Variants in PCNP observed in about 807,000 individuals in gnomAD.
The protein encoded by PCNP is PEST proteolytic signal-containing nuclear protein.
Under a neutral mutation model 21.8 loss-of-function variants are expected in PCNP, and 6 were observed. The observed-to-expected ratio is 0.28, with a 90% confidence interval of 0.15 to 0.54. The LOEUF (loss-of-function observed/expected upper bound fraction) is 0.54, where lower values mean the gene tolerates loss of function less well. Among genes scored for constraint, PCNP ranks in the 20% least tolerant of loss-of-function variants. The pLI, the probability that PCNP is intolerant of heterozygous loss-of-function variation, is 0.95. For synonymous variants in PCNP, 67 were observed against 73.2 expected (o/e 0.92, Z 0.43); for missense variants, 161 against 215.5 (o/e 0.75, Z 1.58).
chr3:101,590,807 C>T (rs896766573), intron 4 of PCNP, among the ~76,000 whole-genome samples: 13 of 152,010 alleles, frequency 8.6e-5, no homozygotes, highest in Non-Finnish European at 1.8e-4. Flanking sequence ...CCTCAGCCTC[C>T]CAAAGTGCTG....
upstream of PCNP, chr3:101,574,118 A>G (rs1934720014): frequency 1.3e-6 from 2 of 1,498,112 alleles, no homozygotes; most frequent in Non-Finnish European, 9.0e-7. Context: ...GGACCGCTCT[A>G]GGCTGCCACC....
rs761938485 is a variant in PCNP, at chr3:101,590,167, G to A, written c.355-48G>A. The A allele has an allele frequency of 9.2e-6, 9 of 977,544 alleles. No individual in the cohort carries two copies. In the Admixed American group the frequency reaches 1.3e-4, roughly 14 times the overall value. The allele number at this position is 977,544 out of a possible 1,614,324, so 60.6% of individuals were successfully genotyped here. A position where few individuals can be genotyped will look rare whatever the true frequency, so the allele number is the denominator to read the frequency against. On this transcript the variant is annotated intron_variant, in intron 3 of 4. Transcript: ENST00000265260. ...TTTAGCGTATTAGTAATCAGGAATT[G>A]AATAAGTTTGTATGCAGTTATCTTG...
intron 3 of PCNP, among the ~76,000 whole-genome samples, chr3:101,586,571 T>TGTGTGTGTGTGAGAGAGAGA: frequency 3.5e-5 from 4 of 114,140 alleles, no homozygotes; most frequent in African/African-American, 1.2e-4. Flanking sequence ...TGTGTGTGTG[T>TGTGTGTGTGTGAGAGAGAGA]GAGAGAGAGA....
intron 4 of PCNP, among the ~76,000 whole-genome samples, chr3:101,592,322 G>A (rs537252263): frequency 4.0e-5 from 6 of 151,824 alleles, no homozygotes; most frequent in Non-Finnish European, 4.4e-5. Context: ...TACAGGCATG[G>A]ACCACCATGC....
In PCNP at chr3:101,593,976, A is replaced by G. The variant is rs1032995285; in HGVS notation, c.*1223A>G. 1.3e-5 allele frequency: 2 copies of G among 152,630 alleles called. No individual in the cohort carries two copies. The highest frequency in any genetic ancestry group is 4.8e-5 in the African/African-American group (2 of 41,448). 9.5% of individuals were successfully genotyped at this position (152,630 alleles called of 1,614,324 possible). On this transcript the variant is annotated 3_prime_UTR_variant, in exon 5 of 5. Coordinates refer to ENST00000265260, the MANE Select transcript of PCNP (RefSeq NM_020357.3). ...TTTTTTAAATGTGACAGTTAAACACATCTTTAAAAGCATAGTCACAGACAA... is the reference window on the plus strand; with the variant it reads ...TTTTTTAAATGTGACAGTTAAACACGTCTTTAAAAGCATAGTCACAGACAA...
chr3:101,579,066 A>G (rs1935088547), intron 1 of PCNP, among the ~76,000 whole-genome samples: 1 of 152,108 alleles, frequency 6.6e-6, no homozygotes, highest in Non-Finnish European at 1.5e-5. Context: ...TATGCCTTCT[A>G]CTGTTTGAAA....
At chr3:101,589,990 G>GT (rs1935723734) in intron 3 of PCNP, 1 of 486,206 alleles carries the variant, frequency 2.1e-6, no homozygotes, top group African/African-American at 2.0e-5. Flanking sequence ...TAGAATGTTT[G>GT]TTTTTTCAGC....
rs572995416 is a variant in PCNP, at chr3:101,593,032, T to C, written c.*279T>C. The stretch of plus-strand genomic sequence containing the variant: ...ATCAGAAATGGTACCTTTTTAAGAA[T>C]TGCATATTTTTTTAGACACAACTAT... On this transcript the variant is annotated 3_prime_UTR_variant, in exon 5 of 5. Coordinates refer to ENST00000265260, the MANE Select transcript of PCNP (RefSeq NM_020357.3). The C allele has an allele frequency of 4.4e-5, 9 of 206,190 alleles. 1 individual carries two copies. Among genetic ancestry groups the C allele is most frequent in the Admixed American group, 2.9e-4 (5 of 17,056 alleles). The allele number at this position is 206,190 out of a possible 1,614,324, so 12.8% of individuals were successfully genotyped here. A position where few individuals can be genotyped will look rare whatever the true frequency, so the allele number is the denominator to read the frequency against.
intron 1 of PCNP, 180 bp from the exon 2 acceptor site, chr3:101,579,610 T>C (rs1935119299): frequency 1.4e-6 from 1 of 713,890 alleles, no homozygotes; most frequent in Admixed American, 2.0e-5. Flanking sequence ...GAGCCTCTTC[T>C]ACTGCCACAC....
intron 4 of PCNP, among the ~76,000 whole-genome samples, chr3:101,592,147 G>A (rs558072037): frequency 2.0e-3 from 295 of 150,822 alleles, no homozygotes; most frequent in African/African-American, 6.9e-3. Flanking sequence ...TTTGTTTTTT[G>A]TTTTTTTGTG....
At chr3:101,580,765 A>G (rs1446395452) in intron 2 of PCNP, among the ~76,000 whole-genome samples, 2 of 152,246 alleles carry the variant, frequency 1.3e-5, no homozygotes, top group Non-Finnish European at 2.9e-5. Context: ...TTTGAAGCAT[A>G]TGAAGTTGTA....
In PCNP at chr3:101,590,204, T is replaced by G. The variant is rs961034560; in HGVS notation, c.355-11T>G. On this transcript the variant is annotated splice_polypyrimidine_tract_variant and intron_variant, in intron 3 of 4. Transcript: ENST00000265260. Reference sequence around the variant, plus strand: ...ATGCAGTTATCTTGGTTTACTTACTTTTTTCTTTAGAGTGAACCAGAGGAA... The same window carrying G: ...ATGCAGTTATCTTGGTTTACTTACTGTTTTCTTTAGAGTGAACCAGAGGAA... 1.3e-6 allele frequency: 2 copies of G among 1,506,062 alleles called. No individual in the cohort carries two copies. Among genetic ancestry groups the G allele is most frequent in the South Asian group, 1.1e-5 (1 of 87,904 alleles). 93.3% of individuals were successfully genotyped at this position (1,506,062 alleles called of 1,614,324 possible).
intron 4 of PCNP, among the ~76,000 whole-genome samples, chr3:101,592,023 A>G (rs1935836561): frequency 1.3e-5 from 2 of 152,006 alleles, no homozygotes; most frequent in Non-Finnish European, 2.9e-5. Flanking sequence ...TGGTTGCCAC[A>G]CTTAGCTGTA....
chr3:101,591,272 C>T (rs1033073054), intron 4 of PCNP, among the ~76,000 whole-genome samples: 2 of 152,182 alleles, frequency 1.3e-5, no homozygotes, highest in South Asian at 4.1e-4. Context: ...TAATGGATAG[C>T]TTAGAGATCA....
chr3:101,581,689 C>T (rs776576513), intron 2 of PCNP, among the ~76,000 whole-genome samples: 3 of 152,078 alleles, frequency 2.0e-5, no homozygotes, highest in Admixed American at 6.6e-5. Context: ...CCACCTCAGC[C>T]TCCCAGAGTG....
intron 1 of PCNP, chr3:101,576,811 C>T (rs576006054): frequency 6.2e-7 from 1 of 1,610,320 alleles, no homozygotes; most frequent in Non-Finnish European, 8.5e-7. Flanking sequence ...GTCTGCTTTC[C>T]TCAACACCAC....
chr3:101,574,325 C>T (rs1478721040), intron 1 of PCNP, 46 bp downstream of exon 1: 23 of 1,416,186 alleles, frequency 1.6e-5, no homozygotes, highest in Non-Finnish European at 2.0e-5. Flanking sequence ...TGCTCCGGGC[C>T]TTTCTTTGAG....
intron 3 of PCNP, among the ~76,000 whole-genome samples, chr3:101,587,025 G>A (rs868730704): frequency 6.6e-6 from 1 of 152,068 alleles, no homozygotes; most frequent in Non-Finnish European, 1.5e-5. Context: ...AGGCCGAGGC[G>A]GGCGGATCAC....
chr3:101,578,839 G>C (rs1314428525), intron 1 of PCNP, among the ~76,000 whole-genome samples: 2 of 152,150 alleles, frequency 1.3e-5, no homozygotes, highest in East Asian at 3.8e-4. Flanking sequence ...TCTTGATCCA[G>C]TGTAGCATAA....
Sources: allele counts gnomAD v4.1 joint callset (sites outside exome capture counted in the v4.1 genomes callset), GRCh38; gene constraint gnomAD v4.1.1; transcripts MANE v1.5; gene names NCBI Gene and HGNC (gene_info 2026-07-23, HGNC 2026-07-21).